TDRD9: variants seen among roughly 807,000 people sequenced by gnomAD.
TDRD9 encodes the protein ATP-dependent RNA helicase TDRD9.
Under a neutral mutation model 172.6 loss-of-function variants are expected in TDRD9, and 124 were observed. The observed-to-expected ratio is 0.72, with a 90% CI of 0.62 to 0.83. The LOEUF (loss-of-function observed/expected upper bound fraction) is 0.83, where lower values mean the gene tolerates loss of function less well. Among genes scored for constraint, TDRD9 ranks in the 40% least tolerant of loss-of-function variants. The pLI is 0.00. For synonymous variants in TDRD9, 619 were observed against 617.1 expected (o/e 1.00, Z -0.05); for missense variants, 1,479 against 1,714.1 (o/e 0.86, Z 2.42).
At chr14:104,034,108 TTTC>T in intron 31 of TDRD9, 39 bp downstream of exon 31, 1 of 1,345,368 alleles carries the variant, frequency 7.4e-7, no homozygotes, top group Non-Finnish European at 1.0e-6. Context: ...TCCTCTCTTT[TTTC>T]TTTTCCTTGA....
intron 1 of TDRD9, chr14:103,941,676 A>C (rs1441471641): frequency 4.6e-6 from 7 of 1,520,658 alleles, no homozygotes; most frequent in Non-Finnish European, 5.3e-6. Context: ...GGGCCATTTC[A>C]TCCAGCCAAA....
At chr14:104,026,275 C>T (rs1160002453) in intron 27 of TDRD9, 139 bp downstream of exon 27, 2 of 619,630 alleles carry the variant, frequency 3.2e-6, no homozygotes. Flanking sequence ...CTTGCTTTGT[C>T]ACAATAGCCA....
At chr14:103,982,765 G>A (rs2033523419) in intron 7 of TDRD9, among the ~76,000 whole-genome samples, 1 of 152,102 alleles carries the variant, frequency 6.6e-6, no homozygotes, top group Non-Finnish European at 1.5e-5. Context: ...GCCAGGTGTG[G>A]TGGCACACGC....
At chr14:104,038,317 G>C (rs760825710) in intron 32 of TDRD9, among the ~76,000 whole-genome samples, 1 of 152,180 alleles carries the variant, frequency 6.6e-6, no homozygotes, top group Non-Finnish European at 1.5e-5. Context: ...ATTGAATGAG[G>C]GTGGATTAAA....
chr14:103,946,838 G>C (rs2031585224), intron 1 of TDRD9, among the ~76,000 whole-genome samples: 1 of 152,194 alleles, frequency 6.6e-6, no homozygotes, highest in Admixed American at 6.6e-5. Flanking sequence ...ATTAACCAAA[G>C]AAGTGAAAGT....
intron 1 of TDRD9, among the ~76,000 whole-genome samples, chr14:103,932,483 G>T (rs2030458057): frequency 6.6e-6 from 1 of 152,080 alleles, no homozygotes; most frequent in African/African-American, 2.4e-5. Flanking sequence ...TGCCTCCCGG[G>T]TTCACACCAT....
At chr14:103,934,742 A>G (rs1414078126) in intron 1 of TDRD9, among the ~76,000 whole-genome samples, 1 of 152,248 alleles carries the variant, frequency 6.6e-6, no homozygotes, top group Middle Eastern at 3.2e-3. Flanking sequence ...AGATGGCGCC[A>G]CTGCACTCCA....
intron 24 of TDRD9, 129 bp downstream of exon 24, chr14:104,022,459 G>C: frequency 1.0e-6 from 1 of 965,262 alleles, no homozygotes; most frequent in Non-Finnish European, 1.5e-6. Context: ...TGGGTGTGGG[G>C]GCTCACGCCA....
intron 6 of TDRD9, among the ~76,000 whole-genome samples, chr14:103,973,561 G>A (rs2033122089): frequency 1.3e-5 from 2 of 152,218 alleles, no homozygotes. Flanking sequence ...GCAGAGGGCT[G>A]CCGGGGAGGG....
In TDRD9 at chr14:104,042,214, T is replaced by C. The variant is rs1012217452; in HGVS notation, c.3974+27T>C. The C allele has an allele frequency of 2.7e-6, 4 of 1,484,240 alleles. No homozygotes were observed. The African/African-American group carries it at 4.1e-5, about 15-fold the overall frequency. The allele number at this position is 1,484,240 out of a possible 1,614,324, so 91.9% of individuals were successfully genotyped here. The stretch of plus-strand genomic sequence containing the variant: ...TAAGCTGTGTGATGACGCGGGCTTC[T>C]TTTCTTCCCAGTCAACTTTCTCAGC... On this transcript the variant is annotated intron_variant, in intron 34 of 35. Transcript: ENST00000409874.
In TDRD9 at chr14:104,040,348, A is replaced by C; in HGVS notation, c.3855+14A>C. The C allele has an allele frequency of 6.5e-7, 1 of 1,538,030 alleles. No homozygotes were observed. The highest frequency in any genetic ancestry group is 2.5e-5 in the East Asian group (1 of 40,564). On this transcript the variant is annotated intron_variant, in intron 33 of 35. Transcript: ENST00000409874. ...GATGTCGTCGAGGTAAGGGTAGTGC[A>C]GCATCACGGCACCACAACCCTGTCT... is the stretch of plus-strand genomic sequence containing the variant.
chr14:103,943,473 C>T (rs2031378231), intron 1 of TDRD9, among the ~76,000 whole-genome samples: 1 of 149,322 alleles, frequency 6.7e-6, no homozygotes, highest in South Asian at 2.1e-4. Context: ...TAAATATACA[C>T]ACATATATAA....
intron 3 of TDRD9, among the ~76,000 whole-genome samples, chr14:103,964,889 C>T (rs2032666800): frequency 6.6e-6 from 1 of 152,114 alleles, no homozygotes; most frequent in African/African-American, 2.4e-5. Flanking sequence ...CGCCTCCTTG[C>T]TCTCTTGTGT....
chr14:104,029,543 AATTC>A (rs1159462790), intron 28 of TDRD9, among the ~76,000 whole-genome samples: 7 of 152,020 alleles, frequency 4.6e-5, no homozygotes, highest in Non-Finnish European at 1.0e-4. Flanking sequence ...AACTTTTCTG[AATTC>A]ATTTATCAGC....
At chr14:103,928,790 G>C (rs1213107383) in intron 1 of TDRD9, 66 bp downstream of exon 1, 3 of 508,346 alleles carry the variant, frequency 5.9e-6, no homozygotes, top group African/African-American at 4.1e-5. Flanking sequence ...CGAGGGCACG[G>C]GCCATCCAGA....
chr14:104,048,174 C>T (rs1426322320), intron 34 of TDRD9, among the ~76,000 whole-genome samples: 1 of 152,186 alleles, frequency 6.6e-6, no homozygotes, highest in Non-Finnish European at 1.5e-5. Flanking sequence ...CTAGTCTTAA[C>T]CTGTAAGTCC....
intron 7 of TDRD9, among the ~76,000 whole-genome samples, chr14:103,983,472 A>C (rs529970570): frequency 2.0e-5 from 3 of 152,246 alleles, no homozygotes; most frequent in Non-Finnish European, 1.5e-5. Context: ...TCACCTGAAG[A>C]CTTCTTTTGA....
intron 29 of TDRD9, 56 bp from the exon 30 acceptor site, chr14:104,031,961 T>A (rs1378266125): frequency 2.5e-6 from 3 of 1,204,132 alleles, no homozygotes; most frequent in Non-Finnish European, 2.3e-6. Flanking sequence ...TTTTAAAAAT[T>A]CATGTTAAGT....
chr14:103,957,516 A>G (rs2032302640), intron 2 of TDRD9, among the ~76,000 whole-genome samples: 1 of 152,214 alleles, frequency 6.6e-6, no homozygotes, highest in South Asian at 2.1e-4. Context: ...TACGTATAAG[A>G]ATGTTTATTG....
Sources: allele counts gnomAD v4.1 joint callset (sites outside exome capture counted in the v4.1 genomes callset), GRCh38; gene constraint gnomAD v4.1.1; transcripts MANE v1.5; gene names NCBI Gene and HGNC (gene_info 2026-07-23, HGNC 2026-07-21).